Variants in XIRP2 observed in about 807,000 individuals in gnomAD.
XIRP2 encodes xin actin binding repeat containing 2, also known as xin actin-binding repeat-containing protein 2.
A neutral mutation model predicts 277.0 loss-of-function variants in XIRP2; 236 were observed. That is an observed-to-expected ratio of 0.85 (90% CI 0.77 to 0.95). The LOEUF (loss-of-function observed/expected upper bound fraction) is 0.95. XIRP2 is among the 40% of genes least tolerant of loss of function. The pLI is 0.00. For synonymous variants in XIRP2, 1,490 were observed against 1,416.5 expected (o/e 1.05, Z -1.17); for missense variants, 4,640 against 4,157.5 (o/e 1.12, Z -3.19).
intron 2 of XIRP2, among the ~76,000 whole-genome samples, chr2:166,915,776 T>C (rs960361254): frequency 3.3e-5 from 5 of 152,238 alleles, no homozygotes; most frequent in African/African-American, 1.2e-4. Flanking sequence ...TGCACACTTA[T>C]GATCTTCCCC....
In XIRP2 at chr2:167,245,984, CA is replaced by C. The variant is rs1271883185; in HGVS notation, c.4594del (p.Thr1532HisfsTer11). 2 of 1,613,302 alleles carry C rather than the reference CA, an allele frequency of 1.2e-6. No individual in the cohort carries two copies. Among genetic ancestry groups the C allele is most frequent in the Non-Finnish European group, 1.7e-6 (2 of 1,179,670 alleles). ...DVKTTTWLFE[T>X]TPLHEFNETR... The stretch of plus-strand genomic sequence containing the variant: ...AAAACAACCACATGGCTCTTTGAAA[CA>C]ACACCACTTCATGAATTTAATGAAA... On this transcript the variant is annotated frameshift_variant, in exon 9 of 11. Transcript: ENST00000409195. LOFTEE classifies it high-confidence loss of function.
rs1394945084 is a variant in XIRP2, at chr2:167,245,869, C to G, written c.4477C>G (p.Leu1493Val). The G allele has an allele frequency of 1.2e-6, 2 of 1,613,560 alleles. No individual in the cohort carries two copies. Among genetic ancestry groups the G allele is most frequent in the African/African-American group, 1.3e-5 (1 of 74,842 alleles). ...QKGDVKQAVW[L>V]FENRTFDSIM... ...AGGTGATGTTAAGCAGGCTGTGTGG[C>G]TTTTTGAAAATCGAACTTTCGATTC... is the stretch of plus-strand genomic sequence containing the variant. Residue 1493 changes from leucine to valine, a missense_variant, in exon 9 of 11, where the codon CTT (leucine) becomes GTT (valine). By Grantham distance (32) the Leu-to-Val change is conservative. Coordinates refer to ENST00000409195, the MANE Select transcript of XIRP2 (RefSeq NM_152381.6).
At position 167,079,081 on chromosome 2, in the gene XIRP2, T is replaced by A. The variant is rs73014199; in HGVS notation, c.409-56828T>A. On this transcript the variant is annotated intron_variant, in intron 2 of 10. Coordinates refer to ENST00000409195, the MANE Select transcript of XIRP2 (RefSeq NM_152381.6). ...TTTTTATCATGAAAGGATGTTGGAT[T>A]TTATTGAATGCTTTTCCCACATCTA... is the stretch of plus-strand genomic sequence containing the variant. Among the ~76,000 whole-genome samples, 706 of 152,288 alleles carry A rather than the reference T, an allele frequency of 4.6e-3. 5 individuals are homozygous for A. Among genetic ancestry groups the A allele is most frequent in the African/African-American group, 0.017 (687 of 41,562 alleles).
At chr2:167,235,719 G>T (rs1412382979) in intron 5 of XIRP2, among the ~76,000 whole-genome samples, 1 of 151,896 alleles carries the variant, frequency 6.6e-6, no homozygotes, top group Non-Finnish European at 1.5e-5. Flanking sequence ...TTTGAGCTAA[G>T]TCTTTAAGAG....
chr2:166,943,833 C>T lies in XIRP2; in HGVS notation c.408+39943C>T, dbSNP rs1258863513. On this transcript the variant is annotated intron_variant, in intron 2 of 10. Transcript: ENST00000409195. ...GCTGGATCATAGATGTAATTTTTAGCCTAGGCTTTTTTGTCAAGATGATTT... is the reference window on the plus strand; with the variant it reads ...GCTGGATCATAGATGTAATTTTTAGTCTAGGCTTTTTTGTCAAGATGATTT... Among the ~76,000 whole-genome samples, 8 of 152,272 alleles carry T rather than the reference C, an allele frequency of 5.3e-5. No homozygotes were observed. The South Asian group carries it at 8.3e-4, about 16-fold the overall frequency.
chr2:167,117,909 G>A (rs1690939732), intron 2 of XIRP2, among the ~76,000 whole-genome samples: 1 of 152,082 alleles, frequency 6.6e-6, no homozygotes, highest in Non-Finnish European at 1.5e-5. Flanking sequence ...TTACTTTCCG[G>A]TAAGTTGTCT....
At chr2:166,933,594 AT>A (rs1685411191) in intron 2 of XIRP2, among the ~76,000 whole-genome samples, 1 of 151,950 alleles carries the variant, frequency 6.6e-6, no homozygotes, top group South Asian at 2.1e-4. Flanking sequence ...AAAAAAATTG[AT>A]ATATAAGTTT....
intron 2 of XIRP2, among the ~76,000 whole-genome samples, chr2:167,049,703 A>G (rs1453469530): frequency 1.3e-5 from 2 of 152,064 alleles, no homozygotes; most frequent in Admixed American, 6.6e-5. Context: ...TTGTCTTTTT[A>G]TCTGGTATTT....
Position 167,258,103 on chromosome 2 carries a change from T to C in XIRP2, c.*286T>C. On this transcript the variant is annotated 3_prime_UTR_variant, in exon 11 of 11. Coordinates refer to ENST00000409195, the MANE Select transcript of XIRP2 (RefSeq NM_152381.6). ...ATGAACATTTAGATGCTGGTAACAG[T>C]GAAGGGCAAAGGAATGATTTGAGAA... is the stretch of plus-strand genomic sequence containing the variant. The C allele has an allele frequency of 6.2e-7, 1 of 1,613,114 alleles. No individual in the cohort carries two copies. Among genetic ancestry groups the C allele is most frequent in the Non-Finnish European group, 8.5e-7 (1 of 1,179,516 alleles).
chr2:166,940,803 A>G (rs1197195538), intron 2 of XIRP2, among the ~76,000 whole-genome samples: 1 of 152,118 alleles, frequency 6.6e-6, no homozygotes, highest in African/African-American at 2.4e-5. Context: ...TCATTCCTCT[A>G]GAAGCTTCAT....
chr2:167,177,154 G>A (rs1692871641), intron 3 of XIRP2, among the ~76,000 whole-genome samples: 5 of 152,146 alleles, frequency 3.3e-5, no homozygotes, highest in Admixed American at 3.3e-4. Context: ...TAATAGCTCA[G>A]CTGTTTTTGT....
intron 2 of XIRP2, among the ~76,000 whole-genome samples, chr2:166,985,828 C>T (rs575538754): frequency 6.6e-6 from 1 of 152,182 alleles, no homozygotes; most frequent in African/African-American, 2.4e-5. Flanking sequence ...CCCATAATAA[C>T]ACTCTTAGGG....
intron 3 of XIRP2, among the ~76,000 whole-genome samples, chr2:167,207,021 A>G (rs894995062): frequency 6.6e-6 from 1 of 152,162 alleles, no homozygotes; most frequent in Non-Finnish European, 1.5e-5. Flanking sequence ...TTTTTGAGCA[A>G]CACATTGACC....
At chr2:166,960,082 G>A (rs1686263122) in intron 2 of XIRP2, among the ~76,000 whole-genome samples, 1 of 151,696 alleles carries the variant, frequency 6.6e-6, no homozygotes, top group Non-Finnish European at 1.5e-5. Flanking sequence ...TTTTAAAAAT[G>A]ATGTTATTAA....
At chr2:167,240,017 A>G (rs1695008335) in intron 6 of XIRP2, 52 bp downstream of exon 6, 1 of 1,470,112 alleles carries the variant, frequency 6.8e-7, no homozygotes, top group Non-Finnish European at 9.1e-7. Flanking sequence ...ACTGTATGGA[A>G]ATTATGACTT....
At chr2:167,222,796 C>T (rs1694471189) in intron 5 of XIRP2, among the ~76,000 whole-genome samples, 1 of 152,288 alleles carries the variant, frequency 6.6e-6, no homozygotes, top group Non-Finnish European at 1.5e-5. Flanking sequence ...TTGCCTCTCT[C>T]CTGAGTTACT....
At chr2:167,033,838 T>G (rs1042388554) in intron 2 of XIRP2, among the ~76,000 whole-genome samples, 2 of 152,108 alleles carry the variant, frequency 1.3e-5, no homozygotes, top group Non-Finnish European at 2.9e-5. Flanking sequence ...AGCTGAGGTA[T>G]TTCATCAATA....
At chr2:167,109,903 T>C (rs925723361) in intron 2 of XIRP2, among the ~76,000 whole-genome samples, 2 of 152,322 alleles carry the variant, frequency 1.3e-5, no homozygotes, top group East Asian at 1.9e-4. Flanking sequence ...GTGGTTTTAA[T>C]TTGCATGTCT....
chr2:167,249,311 A>G lies in XIRP2; in HGVS notation c.7919A>G (p.Lys2640Arg), dbSNP rs1390806667. 1.9e-6 allele frequency: 3 copies of G among 1,613,772 alleles called. No homozygotes were observed. The African/African-American group carries it at 4.0e-5, about 22-fold the overall frequency. Residue 2640 changes from lysine (K) to arginine (R), a missense_variant, in exon 9 of 11, where the codon AAG becomes AGG. Transcript: ENST00000409195. ...ACATCGCCAGAAACAGTCGCTGCCA[A>G]GAGGCTCCACCATGTTTTAGCAGCT... ...STTSPETVAA[K>R]RLHHVLAASE...
Sources: allele counts gnomAD v4.1 joint callset (sites outside exome capture counted in the v4.1 genomes callset), GRCh38; gene constraint gnomAD v4.1.1; transcripts MANE v1.5; gene names NCBI Gene and HGNC (gene_info 2026-07-23, HGNC 2026-07-21).